Variants in NTN4 observed in about 807,000 individuals in gnomAD.
NTN4 encodes the protein netrin-4.
NTN4 carries 32 observed loss-of-function variants against 73.6 expected under a neutral mutation model. The ratio of observed to expected loss-of-function variants is 0.44; its 90% CI spans 0.33 to 0.58. The LOEUF (loss-of-function observed/expected upper bound fraction) is 0.58, where lower values mean the gene tolerates loss of function less well. Ranked by LOEUF, NTN4 falls within the 20% of genes least tolerant of loss-of-function variation. The probability of loss-of-function intolerance (pLI) is 0.04; values close to 1 mark genes in which losing one functional copy is unlikely to be tolerated. For missense variants in NTN4, 654 were observed against 798.3 expected, an observed-to-expected ratio of 0.82 and a Z score of 2.18; for synonymous variants, 258 against 287.5, an observed-to-expected ratio of 0.90 and a Z score of 1.04.
chr12:95,789,442 G>C lies in NTN4; in HGVS notation c.55+813C>G, dbSNP rs1463728670. Among the ~76,000 whole-genome samples, 3 of 152,212 alleles carry C rather than the reference G, an allele frequency of 2.0e-5. No homozygotes were observed. Among genetic ancestry groups the C allele is most frequent in the Non-Finnish European group, 2.9e-5 (2 of 68,040 alleles). ...TGCGCTTACGCCTAACTGGAAACCA[G>C]GTGACCCGCAAGAGGGAGGGAGAGG... On this transcript the variant is annotated intron_variant, in intron 1 of 9. Transcript: ENST00000343702. The surrounding 1 kb of genome is among the most constrained non-coding windows in gnomAD (Gnocchi z 4.0).
intron 5 of NTN4, among the ~76,000 whole-genome samples, chr12:95,693,746 A>AAAAAG (rs1465638908): frequency 1.3e-5 from 2 of 151,502 alleles, no homozygotes; most frequent in African/African-American, 2.4e-5. Context: ...AAAAAAAAAA[A>AAAAAG]AAAAAGAAAA....
chr12:95,711,802 C>T (rs1439483804), intron 4 of NTN4, among the ~76,000 whole-genome samples: 1 of 152,040 alleles, frequency 6.6e-6, no homozygotes, highest in African/African-American at 2.4e-5. Flanking sequence ...AGAAAGTCAC[C>T]CTAGGAATTC....
intron 2 of NTN4, among the ~76,000 whole-genome samples, chr12:95,751,207 C>T (rs912962894): frequency 3.9e-5 from 6 of 152,040 alleles, no homozygotes; most frequent in African/African-American, 9.7e-5. Flanking sequence ...TAATTAACCT[C>T]GCCTTCAAGG....
intron 2 of NTN4, among the ~76,000 whole-genome samples, chr12:95,780,505 C>T (rs948705046): frequency 2.2e-4 from 33 of 152,338 alleles, no homozygotes; most frequent in Non-Finnish European, 3.8e-4. Flanking sequence ...TGAACAGACA[C>T]TTCTCAAAAG....
chr12:95,720,620 A>G (rs1325215470), intron 3 of NTN4, among the ~76,000 whole-genome samples: 5 of 152,176 alleles, frequency 3.3e-5, no homozygotes, highest in Non-Finnish European at 7.3e-5. Context: ...AACTGCCAAG[A>G]AGGCAGGGTG....
intron 2 of NTN4, among the ~76,000 whole-genome samples, chr12:95,760,245 A>T (rs2121242642): frequency 6.6e-6 from 1 of 152,232 alleles, no homozygotes; most frequent in African/African-American, 2.4e-5. Context: ...GTGAATTATG[A>T]GGTCTTTCCG....
At chr12:95,708,256 T>TTTTATTTATTTA (rs200402415) in intron 5 of NTN4, among the ~76,000 whole-genome samples, 5 of 142,418 alleles carry the variant, frequency 3.5e-5, no homozygotes, top group African/African-American at 1.0e-4. Flanking sequence ...TTTATTGTTA[T>TTTTATTTATTTA]TTTATTTATT....
At chr12:95,697,435 T>A (rs2078450833) in intron 5 of NTN4, among the ~76,000 whole-genome samples, 1 of 152,194 alleles carries the variant, frequency 6.6e-6, no homozygotes, top group Admixed American at 6.5e-5. Context: ...AATCTGACAA[T>A]ATTTATCATC....
chr12:95,661,050 G>T (rs117191749), intron 9 of NTN4, among the ~76,000 whole-genome samples: 306 of 152,284 alleles, frequency 2.0e-3, no homozygotes, highest in Middle Eastern at 3.4e-3. Context: ...CAAAGTTGTG[G>T]TAAGTTGAGC....
rs1444188584 is a variant in NTN4 at position 95,657,907 on chromosome 12, G to T, written c.*1179C>A. The T allele has an allele frequency of 6.6e-6, 1 of 152,460 alleles. No individual in the cohort carries two copies. The highest frequency in any genetic ancestry group is 1.9e-4 in the East Asian group (1 of 5,186). 9.4% of individuals were successfully genotyped at this position (152,460 alleles called of 1,614,324 possible). A position where few individuals can be genotyped will look rare whatever the true frequency, so the allele number is the denominator to read the frequency against. On this transcript the variant is annotated 3_prime_UTR_variant, in exon 10 of 10. Transcript: ENST00000343702. Reference sequence around the variant, plus strand: ...GTCCACAGGACTTCAGAGAAAAAAAGGTTCTGTATGTGAAATTATTCATAT... The same window carrying T: ...GTCCACAGGACTTCAGAGAAAAAAATGTTCTGTATGTGAAATTATTCATAT...
At chr12:95,663,540 A>G (rs1158676505) in intron 9 of NTN4, 1 of 152,260 alleles carries the variant, frequency 6.6e-6, no homozygotes, top group Non-Finnish European at 1.5e-5. Context: ...GGGATACCCA[A>G]TAGGATTGTT....
intron 5 of NTN4, among the ~76,000 whole-genome samples, chr12:95,686,551 G>A (rs2078362416): frequency 6.6e-6 from 1 of 151,860 alleles, no homozygotes; most frequent in African/African-American, 2.4e-5. Flanking sequence ...TTGAGGTCAG[G>A]AGATCGAGGC....
chr12:95,696,217 T>C (rs2078440783), intron 5 of NTN4, among the ~76,000 whole-genome samples: 1 of 152,192 alleles, frequency 6.6e-6, no homozygotes, highest in Non-Finnish European at 1.5e-5. Flanking sequence ...GCTCCCCTTT[T>C]TTTTTCATAA....
At chr12:95,736,710 C>G (rs191712642) in intron 3 of NTN4, among the ~76,000 whole-genome samples, 228 of 152,302 alleles carry the variant, frequency 1.5e-3, no homozygotes, top group African/African-American at 5.3e-3. Context: ...ATGAATGCTG[C>G]ATTTTCTTCA....
intron 8 of NTN4, among the ~76,000 whole-genome samples, chr12:95,667,197 T>A (rs1052122922): frequency 2.0e-5 from 3 of 151,456 alleles, no homozygotes; most frequent in Non-Finnish European, 3.0e-5. Context: ...AAGTTCTTTT[T>A]TTTTTTTTTT....
intron 7 of NTN4, chr12:95,670,357 A>T: frequency 2.6e-6 from 1 of 391,508 alleles, no homozygotes; most frequent in Non-Finnish European, 4.5e-6. Flanking sequence ...TATTCATCCA[A>T]GAGAAATACA....
At chr12:95,757,365 T>C (rs2078953681) in intron 2 of NTN4, among the ~76,000 whole-genome samples, 1 of 152,242 alleles carries the variant, frequency 6.6e-6, no homozygotes, top group African/African-American at 2.4e-5. Context: ...GAGCCAGTAC[T>C]TGAACCCAGG....
intron 3 of NTN4, among the ~76,000 whole-genome samples, chr12:95,727,969 A>AT (rs968659726): frequency 1.7e-4 from 25 of 151,362 alleles, no homozygotes; most frequent in African/African-American, 3.4e-4. Context: ...GTATTCTTTA[A>AT]TTTTTTTTTA....
chr12:95,705,176 AT>A (rs535164460), intron 5 of NTN4, among the ~76,000 whole-genome samples: 22 of 150,036 alleles, frequency 1.5e-4, no homozygotes, highest in East Asian at 3.9e-4. Context: ...TTTCAGGGCA[AT>A]TTTTTTTTTA....
Sources: gnomAD v4.1 joint callset for allele counts (sites outside exome capture counted in the v4.1 genomes callset) on GRCh38, gnomAD v4.1.1 for gene constraint, Gnocchi (gnomAD v3.1) non-coding constraint, MANE v1.5 for transcripts, NCBI Gene and HGNC (gene_info 2026-07-23, HGNC 2026-07-21) for gene names.